TMBIM1: variants seen among roughly 807,000 people sequenced by gnomAD.
TMBIM1 encodes transmembrane BAX inhibitor motif containing 1.
A neutral mutation model predicts 45.1 loss-of-function variants in TMBIM1; 34 were observed. That is an observed-to-expected ratio of 0.75 (90% CI 0.57 to 1.00). TMBIM1 has a LOEUF of 1.00. Ranked by LOEUF, TMBIM1 falls within the 50% of genes least tolerant of loss-of-function variation. TMBIM1 has a pLI of 0.00. For missense variants in TMBIM1, 374 were observed against 402.4 expected (o/e 0.93, Z 0.60); for synonymous variants, 157 against 153.5 (o/e 1.02, Z -0.17).
intron 1 of TMBIM1, chr2:218,286,782 G>A (rs1007824725): frequency 6.6e-6 from 1 of 152,258 alleles, no homozygotes; most frequent in Non-Finnish European, 1.5e-5. Context: ...ATGTGTACTG[G>A]AGGGAGGGAT....
intron 1 of TMBIM1, among the ~76,000 whole-genome samples, chr2:218,290,694 T>C (rs1374751133): frequency 3.3e-5 from 5 of 152,160 alleles, no homozygotes; most frequent in Non-Finnish European, 7.3e-5. Context: ...AAGTGGGAGC[T>C]CATTAATATC....
At chr2:218,279,462 A>G (rs1020705257) in intron 3 of TMBIM1, 109 bp from the exon 4 acceptor site, 1 of 1,023,622 alleles carries the variant, frequency 9.8e-7, no homozygotes, top group African/African-American at 1.6e-5. Context: ...CCCTAGCTGC[A>G]GCCTGGCCCA....
At chr2:218,277,267 G>T in intron 9 of TMBIM1, 99 bp downstream of exon 9, 1 of 1,232,938 alleles carries the variant, frequency 8.1e-7, no homozygotes, top group Non-Finnish European at 1.2e-6. Context: ...ATGAGGAGAA[G>T]GGGATCAGGT....
intron 1 of TMBIM1, among the ~76,000 whole-genome samples, chr2:218,291,764 A>C (rs548552422): frequency 6.6e-6 from 1 of 151,984 alleles, no homozygotes; most frequent in African/African-American, 2.4e-5. Flanking sequence ...TTTTCACTCT[A>C]ACCCAAAGAA....
chr2:218,286,964 C>T (rs1395252884), intron 1 of TMBIM1: 1 of 152,272 alleles, frequency 6.6e-6, no homozygotes, highest in African/African-American at 2.4e-5. Context: ...CTTTATCTGC[C>T]CCCACAAGAA....
At chr2:218,276,285 G>A (rs187629393) in intron 10 of TMBIM1, among the ~76,000 whole-genome samples, 59 of 152,300 alleles carry the variant, frequency 3.9e-4, no homozygotes, top group Non-Finnish European at 7.5e-4. Flanking sequence ...TCCTGCAATG[G>A]CTGTATAAAA....
In TMBIM1 at chr2:218,274,453, A is replaced by G. The variant is rs1193785044; in HGVS notation, c.*1022T>C. On this transcript the variant is annotated 3_prime_UTR_variant, in exon 12 of 12. Coordinates refer to ENST00000258412, the MANE Select transcript of TMBIM1 (RefSeq NM_022152.6). ...CCCCAGTGCAACTTAAGACAAACAG[A>G]GAGAAGTCACCTTCCTCTTAGGACC... The G allele has an allele frequency of 1.3e-5, 2 of 154,070 alleles. No homozygotes were observed. Among genetic ancestry groups the G allele is most frequent in the Non-Finnish European group, 2.9e-5 (2 of 68,230 alleles). 9.5% of individuals were successfully genotyped at this position (154,070 alleles called of 1,614,324 possible).
At chr2:218,279,678 G>A (rs1691665197) in intron 3 of TMBIM1, 1 of 488,542 alleles carries the variant, frequency 2.0e-6, no homozygotes, top group Admixed American at 3.7e-5. Flanking sequence ...GTGAGATGGA[G>A]AGGGTGGGTT....
chr2:218,282,981 G>T (rs1490512125), intron 1 of TMBIM1, among the ~76,000 whole-genome samples: 3 of 152,186 alleles, frequency 2.0e-5, no homozygotes, highest in Non-Finnish European at 4.4e-5. Flanking sequence ...TGAGTGCACG[G>T]CCCCTCGCCC....
At position 218,275,562 on chromosome 2, in the gene TMBIM1, C is replaced by T; in HGVS notation, c.849G>A (p.Glu283=). The T allele has an allele frequency of 6.2e-7, 1 of 1,613,910 alleles. No homozygotes were observed. ...TCTGCAGGGCGCCAGTGATGTAGTCCTCGGGGCTGATGGTGTGCTTCCGGT... is the reference window on the plus strand; with the variant it reads ...TCTGCAGGGCGCCAGTGATGTAGTCTTCGGGGCTGATGGTGTGCTTCCGGT... ...LGNRKHTISP[E]DYITGALQIY... The change falls in exon 12 of 12, where the codon GAG becomes GAA. Residue 283 remains glutamate, a synonymous_variant. Transcript: ENST00000258412.
At chr2:218,276,153 C>A in intron 10 of TMBIM1, 74 bp from the exon 11 acceptor site, 1 of 1,523,918 alleles carries the variant, frequency 6.6e-7, no homozygotes. Context: ...CAGCTTCCCC[C>A]GGGATAGTGG....
intron 3 of TMBIM1, 53 bp downstream of exon 3, chr2:218,279,973 T>C (rs1691701947): frequency 7.1e-7 from 1 of 1,412,756 alleles, no homozygotes; most frequent in Non-Finnish European, 1.0e-6. Context: ...CCACTTCCCA[T>C]TCCCACAGCC....
intron 3 of TMBIM1, 35 bp from the exon 4 acceptor site, chr2:218,279,388 G>A (rs150890717): frequency 1.4e-5 from 21 of 1,522,360 alleles, no homozygotes; most frequent in Middle Eastern, 1.8e-4. Context: ...GTCACCATCC[G>A]GCACCCCTGG....
chr2:218,282,643 G>A (rs1692138541), intron 1 of TMBIM1, among the ~76,000 whole-genome samples: 2 of 152,250 alleles, frequency 1.3e-5, no homozygotes, highest in Non-Finnish European at 2.9e-5. Flanking sequence ...GGGGATGCCA[G>A]GCCTGGAAGC....
intron 1 of TMBIM1, among the ~76,000 whole-genome samples, chr2:218,290,913 T>G (rs997822400): frequency 1.6e-4 from 25 of 152,240 alleles, no homozygotes; most frequent in Non-Finnish European, 2.8e-4. Context: ...GCAGAACTTC[T>G]TCCCAGAGAA....
chr2:218,279,190 G>A, intron 4 of TMBIM1, 99 bp from the exon 5 acceptor site: 1 of 1,577,886 alleles, frequency 6.3e-7, no homozygotes, highest in Non-Finnish European at 8.7e-7. Context: ...AATTGCCCAT[G>A]GTCACCCTGA....
chr2:218,292,124 A>T (rs1692968375), intron 1 of TMBIM1, among the ~76,000 whole-genome samples: 1 of 152,178 alleles, frequency 6.6e-6, no homozygotes. Context: ...GGCATGGTGG[A>T]TAGGCCCTGC....
chr2:218,277,590 C>A (rs535369697), intron 8 of TMBIM1, 43 bp downstream of exon 8: 16 of 1,613,904 alleles, frequency 9.9e-6, no homozygotes, highest in Admixed American at 1.7e-5. Context: ...CCACTCCCCA[C>A]AATACACATT....
intron 1 of TMBIM1, among the ~76,000 whole-genome samples, chr2:218,290,927 T>A (rs1355143606): frequency 6.6e-6 from 1 of 152,206 alleles, no homozygotes; most frequent in East Asian, 1.9e-4. Context: ...CAGAGAATTG[T>A]ATGAGCTTCC....
Sources: gnomAD v4.1 joint callset for allele counts (sites outside exome capture counted in the v4.1 genomes callset) on GRCh38, gnomAD v4.1.1 for gene constraint, MANE v1.5 for transcripts, NCBI Gene and HGNC (gene_info 2026-07-23, HGNC 2026-07-21) for gene names.